SELENOO: variants seen among roughly 807,000 people sequenced by gnomAD.
SELENOO encodes the protein selenoprotein O.
Under a neutral mutation model 58.7 loss-of-function variants are expected in SELENOO, and 74 were observed. The ratio of observed to expected loss-of-function variants is 1.26; its 90% CI spans 1.04 to 1.53. SELENOO has a LOEUF of 1.53. Ranked by LOEUF, SELENOO falls within the 40% of genes most tolerant of loss-of-function variation. SELENOO has a pLI of 0.00. For synonymous variants in SELENOO, 543 were observed against 453.2 expected (o/e 1.20, Z -2.52); for missense variants, 1,149 against 970.0 (o/e 1.18, Z -2.45).
At chr22:50,206,276 T>G in intron 1 of SELENOO, 41 bp from the exon 2 acceptor site, 1 of 1,583,742 alleles carries the variant, frequency 6.3e-7, no homozygotes, top group Non-Finnish European at 8.7e-7. Flanking sequence ...TTGGGTGACC[T>G]CCTGACCGGC....
In SELENOO at chr22:50,210,212, A is replaced by G. The variant is rs201643496; in HGVS notation, c.971A>G (p.Glu324Gly). Residue 324 changes from glutamate to glycine, a missense_variant, in exon 4 of 9, where the codon GAG becomes GGG. Glu to Gly is a moderately conservative substitution (Grantham distance 98). Coordinates refer to ENST00000380903, the MANE Select transcript of SELENOO (RefSeq NM_031454.2). ...CGGCGCACGGCGCGGATGGTGGCCGAGTGGCAGTGTGTGGGCTTCTGCCAC... is the reference window on the plus strand; with the variant it reads ...CGGCGCACGGCGCGGATGGTGGCCGGGTGGCAGTGTGTGGGCTTCTGCCAC... Reference protein sequence around the residue: ...VTRRTARMVAEWQCVGFCHGV... With the variant: ...VTRRTARMVAGWQCVGFCHGV... The G allele has an allele frequency of 1.4e-4, 220 of 1,613,214 alleles. No homozygotes were observed. Among genetic ancestry groups the G allele is most frequent in the Non-Finnish European group, 1.7e-4 (202 of 1,179,962 alleles).
intron 5 of SELENOO, among the ~76,000 whole-genome samples, 184 bp downstream of exon 5, chr22:50,211,095 G>A (rs1470156381): frequency 6.6e-6 from 1 of 152,202 alleles, no homozygotes; most frequent in African/African-American, 2.4e-5. Context: ...TGCGAGTGGA[G>A]TCATACGGTG....
chr22:50,207,917 C>T (rs2064343032), intron 2 of SELENOO, among the ~76,000 whole-genome samples: 1 of 148,722 alleles, frequency 6.7e-6, no homozygotes, highest in Non-Finnish European at 1.5e-5. Flanking sequence ...AAACACTCCT[C>T]GTGGGGTTGG....
intron 1 of SELENOO, among the ~76,000 whole-genome samples, 172 bp downstream of exon 1, chr22:50,201,762 C>A (rs1489925930): frequency 6.6e-6 from 1 of 152,252 alleles, no homozygotes; most frequent in African/African-American, 2.4e-5. Flanking sequence ...ATCAACCCGC[C>A]GAGGACCTTG....
intron 7 of SELENOO, 27 bp from the exon 8 acceptor site, chr22:50,216,945 G>A (rs780638151): frequency 6.2e-7 from 1 of 1,604,916 alleles, no homozygotes; most frequent in East Asian, 2.2e-5. Context: ...GCCCGGCTGT[G>A]ACTCCAGAGC....
chr22:50,214,447 C>G (rs1039702848), intron 5 of SELENOO, among the ~76,000 whole-genome samples: 4 of 152,180 alleles, frequency 2.6e-5, no homozygotes, highest in Admixed American at 2.0e-4. Context: ...TGGTGAAACT[C>G]CATCTCTACT....
At chr22:50,208,912 C>T in intron 3 of SELENOO, 196 bp downstream of exon 3, 1 of 582,162 alleles carries the variant, frequency 1.7e-6, no homozygotes, top group Non-Finnish European at 3.0e-6. Context: ...CCCCTGGGCT[C>T]CGTGGTGTTG....
Position 50,217,372 on chromosome 22 carries a change from G to T in SELENOO, c.*3G>T. 1.9e-6 allele frequency: 3 copies of T among 1,612,490 alleles called. No homozygotes were observed. The highest frequency in any genetic ancestry group is 2.5e-6 in the Non-Finnish European group (3 of 1,179,830). The stretch of plus-strand genomic sequence containing the variant: ...TGTGCGTGACATGATCTTCGTAACG[G>T]CCTCGGCACGCTCCACACCCCTGGA... On this transcript the variant is annotated 3_prime_UTR_variant, in exon 9 of 9. Transcript: ENST00000380903.
intron 1 of SELENOO, among the ~76,000 whole-genome samples, chr22:50,204,438 C>G (rs572553245): frequency 2.6e-5 from 4 of 152,018 alleles, no homozygotes; most frequent in South Asian, 4.2e-4. Context: ...ACCAGCCTGG[C>G]CAACATGGTG....
At chr22:50,213,870 G>A (rs1047414244) in intron 5 of SELENOO, among the ~76,000 whole-genome samples, 9 of 151,980 alleles carry the variant, frequency 5.9e-5, no homozygotes, top group East Asian at 3.9e-4. Context: ...GGATGGTCTT[G>A]ATCGCCTGAC....
At chr22:50,211,797 G>C (rs188607584) in intron 5 of SELENOO, among the ~76,000 whole-genome samples, 1 of 152,294 alleles carries the variant, frequency 6.6e-6, no homozygotes, top group East Asian at 1.9e-4. Flanking sequence ...TCCACCTCCT[G>C]GGTTCAAGTG....
chr22:50,206,203 A>G, intron 1 of SELENOO, 114 bp from the exon 2 acceptor site: 1 of 863,664 alleles, frequency 1.2e-6, no homozygotes, highest in Non-Finnish European at 1.8e-6. Context: ...GTTTTCAGGG[A>G]CGTGCAAGCT....
intron 5 of SELENOO, among the ~76,000 whole-genome samples, chr22:50,212,704 G>A (rs527591191): frequency 4.0e-5 from 6 of 151,740 alleles, no homozygotes; most frequent in Admixed American, 2.0e-4. Context: ...GTTACACAGC[G>A]TGTGCCTGTT....
At chr22:50,208,039 A>C (rs913262082) in intron 2 of SELENOO, among the ~76,000 whole-genome samples, 1 of 151,464 alleles carries the variant, frequency 6.6e-6, no homozygotes, top group Non-Finnish European at 1.5e-5. Flanking sequence ...CAAACGTGGA[A>C]TATGTCTGTG....
Position 50,210,323 on chromosome 22 carries a change from T to G in SELENOO, c.1070+12T>G. 3 of 1,611,406 alleles carry G rather than the reference T, an allele frequency of 1.9e-6. No individual in the cohort carries two copies. Among genetic ancestry groups the G allele is most frequent in the Non-Finnish European group, 1.7e-6 (2 of 1,179,418 alleles). ...GGCTTCCTGGACAGGTAAGTGGCCC[T>G]GGGGCCCAGCAAAGTGCAGGCCCCA... On this transcript the variant is annotated intron_variant, in intron 4 of 8. Transcript: ENST00000380903.
At chr22:50,208,818 C>T in intron 3 of SELENOO, 102 bp downstream of exon 3, 2 of 1,165,720 alleles carry the variant, frequency 1.7e-6, no homozygotes, top group South Asian at 2.8e-5. Flanking sequence ...GGCTTTTACC[C>T]AGCCTCCCCG....
chr22:50,202,021 C>T (rs1311818717), intron 1 of SELENOO, among the ~76,000 whole-genome samples: 3 of 152,168 alleles, frequency 2.0e-5, no homozygotes, highest in Admixed American at 1.3e-4. Flanking sequence ...AGGTGGGCAT[C>T]GTTTAGATTT....
At position 50,201,286 on chromosome 22, in the gene SELENOO, C is replaced by G. The variant is rs2064297658; in HGVS notation, c.250C>G (p.Arg84Gly). 18 of 1,083,046 alleles carry G rather than the reference C, an allele frequency of 1.7e-5. No homozygotes were observed. The highest frequency in any genetic ancestry group is 2.0e-5 in the Non-Finnish European group (18 of 896,128). 67.1% of individuals were successfully genotyped at this position (1,083,046 alleles called of 1,614,324 possible). ...GCCCGTGCCCGGGGCCTGCTTCACC[C>G]GCGTGCAGCCCACCCCGCTGCGGCA... is the stretch of plus-strand genomic sequence containing the variant. ...PRPVPGACFT[R>G]VQPTPLRQPR... The change falls in exon 1 of 9, where the codon CGC (arginine) becomes GGC (glycine). Residue 84 changes from arginine (R) to glycine (G), a missense_variant. Coordinates refer to ENST00000380903, the MANE Select transcript of SELENOO (RefSeq NM_031454.2).
At position 50,215,817 on chromosome 22, in the gene SELENOO, T is replaced by A; in HGVS notation, c.1452T>A (p.Cys484Ter). ...AEFLARLMEQ[C>*]ASLEELRLAF... is the part of the protein sequence containing the mutation. ...TCCTGGCCAGGCTGATGGAGCAGTG[T>A]GCCTCCCTGGAGGAGCTGAGGCTGG... The change falls in exon 6 of 9, where the codon TGT (cysteine) becomes TGA (stop). Residue 484 changes from cysteine (C) to a stop codon, truncating the protein, a stop_gained. Coordinates refer to ENST00000380903, the MANE Select transcript of SELENOO (RefSeq NM_031454.2). LOFTEE classifies it high-confidence loss of function. The A allele has an allele frequency of 1.2e-6, 2 of 1,612,678 alleles. No individual in the cohort carries two copies. Among genetic ancestry groups the A allele is most frequent in the Non-Finnish European group, 1.7e-6 (2 of 1,179,220 alleles).
Sources: allele counts gnomAD v4.1 joint callset (sites outside exome capture counted in the v4.1 genomes callset), GRCh38; gene constraint gnomAD v4.1.1; transcripts MANE v1.5; gene names NCBI Gene and HGNC (gene_info 2026-07-23, HGNC 2026-07-21).